The following NOL7 variants were observed in gnomAD, a reference collection of about 807,000 sequenced individuals.
The protein encoded by NOL7 is U3 small nucleolar RNA-associated protein NOL7.
A neutral mutation model predicts 38.4 loss-of-function variants in NOL7; 36 were observed. The observed-to-expected ratio is 0.94, with a 90% CI of 0.72 to 1.24. The LOEUF (loss-of-function observed/expected upper bound fraction) is 1.24, where lower values mean the gene tolerates loss of function less well. Ranked by LOEUF, NOL7 falls within the 50% of genes most tolerant of loss-of-function variation. NOL7 has a pLI of 0.00. For missense variants in NOL7, 350 were observed against 315.1 expected, an observed-to-expected ratio of 1.11 and a Z score of -0.84; for synonymous variants, 142 against 126.5, an observed-to-expected ratio of 1.12 and a Z score of -0.82.
downstream of NOL7, chr6:13,625,551 T>C (rs1764578606): frequency 1.4e-6 from 1 of 693,406 alleles, no homozygotes; most frequent in Admixed American, 2.3e-5. Context: ...ATAGAAAACA[T>C]TTTCCTGATG....
In NOL7 at chr6:13,615,365, C is replaced by T; in HGVS notation, c.7C>T (p.Gln3Ter). 1 of 1,505,522 alleles carries T rather than the reference C, an allele frequency of 6.6e-7. No homozygotes were observed. Among genetic ancestry groups the T allele is most frequent in the Non-Finnish European group, 8.8e-7 (1 of 1,130,314 alleles). The allele number at this position is 1,505,522 out of a possible 1,614,324, so 93.3% of individuals were successfully genotyped here. A position where few individuals can be genotyped will look rare whatever the true frequency, so the allele number is the denominator to read the frequency against. Reference sequence around the variant, plus strand: ...GTCTAGCGCTGCGTGGGCCATGGTGCAGCTCCGACCGCGAGCGTCTCGCGC... The same window carrying T: ...GTCTAGCGCTGCGTGGGCCATGGTGTAGCTCCGACCGCGAGCGTCTCGCGC... The part of the protein sequence containing the change: MV[Q>*]LRPRASRAPA... Residue 3 changes from glutamine (Q) to a stop codon, truncating the protein, a stop_gained, in exon 1 of 8, where the codon CAG becomes TAG. Coordinates refer to ENST00000451315, the MANE Select transcript of NOL7 (RefSeq NM_016167.5). LOFTEE classifies it high-confidence loss of function.
At chr6:13,629,064 C>A (rs1302784086) in intron 8 of NOL7, among the ~76,000 whole-genome samples, 1 of 152,188 alleles carries the variant, frequency 6.6e-6, no homozygotes. Flanking sequence ...AATCCAACAA[C>A]AGAGCAATGT....
chr6:13,624,156 G>A (rs889953429), downstream of NOL7, among the ~76,000 whole-genome samples: 11 of 151,972 alleles, frequency 7.2e-5, no homozygotes, highest in African/African-American at 1.5e-4. Context: ...CCTAAATTCC[G>A]GAGAACTACA....
At chr6:13,617,682 T>G in intron 3 of NOL7, 88 bp from the exon 4 acceptor site, 1 of 1,295,660 alleles carries the variant, frequency 7.7e-7, no homozygotes, top group Non-Finnish European at 1.1e-6. Context: ...AGGGGGTGTC[T>G]TACTTGTAAA....
In NOL7 at chr6:13,618,047, C is replaced by CT; in HGVS notation, c.419-10dup. 1 of 1,400,914 alleles carries CT rather than the reference C, an allele frequency of 7.1e-7. No individual in the cohort carries two copies. Among genetic ancestry groups the CT allele is most frequent in the Non-Finnish European group, 1.0e-6 (1 of 997,358 alleles). The allele number at this position is 1,400,914 out of a possible 1,614,324, so 86.8% of individuals were successfully genotyped here. On this transcript the variant is annotated splice_polypyrimidine_tract_variant and intron_variant, in intron 4 of 7. Coordinates refer to ENST00000451315, the MANE Select transcript of NOL7 (RefSeq NM_016167.5). ...TGAATGCTAATTAGAAAATGTAACT[C>CT]TATTTTTTAGTTAATTTGCAAAAGA...
downstream of NOL7, among the ~76,000 whole-genome samples, chr6:13,623,641 G>A (rs1325802654): frequency 6.6e-6 from 1 of 152,124 alleles, no homozygotes; most frequent in African/African-American, 2.4e-5. Context: ...GGAAGCATCT[G>A]GCGATGCATC....
At chr6:13,618,207 A>G (rs1030313414) in intron 5 of NOL7, 68 bp downstream of exon 5, 3 of 535,798 alleles carry the variant, frequency 5.6e-6, no homozygotes, top group Non-Finnish European at 6.5e-6. Flanking sequence ...ATTGGCTAAC[A>G]TGGGAAAATA....
chr6:13,628,626 A>G lies in NOL7; in HGVS notation n.574-3767A>G, dbSNP rs112657797. Among the ~76,000 whole-genome samples, 255 of 152,276 alleles carry G rather than the reference A, an allele frequency of 1.7e-3. 2 individuals carry two copies. The highest frequency in any genetic ancestry group is 2.8e-3 in the Non-Finnish European group (190 of 68,036). On this transcript the variant is annotated intron_variant and non_coding_transcript_variant, in intron 8 of 8. Transcript: ENST00000474485. ...AGCAACAAAACTAACAGAGCCTTAA[A>G]AATAAAAAATGGTTTATACCATCAA...
chr6:13,616,418 A>G (rs372709578), intron 2 of NOL7, 45 bp from the exon 3 acceptor site: 48 of 1,315,054 alleles, frequency 3.7e-5, no homozygotes, highest in Admixed American at 1.7e-4. Flanking sequence ...CGGACATACT[A>G]TGTACATGAC....
At chr6:13,625,764 C>A, downstream of NOL7, 1 of 1,588,434 alleles carries the variant, frequency 6.3e-7, no homozygotes. Context: ...CTGAATGCAT[C>A]CTGTTGAAAA....
chr6:13,619,108 T>G (rs928668953), intron 5 of NOL7, among the ~76,000 whole-genome samples: 7 of 152,232 alleles, frequency 4.6e-5, no homozygotes, highest in African/African-American at 1.7e-4. Context: ...GGCAGTTTAA[T>G]TTTTCTGGCT....
At position 13,617,817 on chromosome 6, in the gene NOL7, T is replaced by C. The variant is rs747509053; in HGVS notation, c.418+16T>C. On this transcript the variant is annotated intron_variant, in intron 4 of 7. Transcript: ENST00000451315. ...GTGAAAGAAGGTATGACTATTCTAA[T>C]TTAACTAACTTCTCATGTAAGTGTC... The C allele has an allele frequency of 5.6e-6, 9 of 1,609,600 alleles. No homozygotes were observed. Among genetic ancestry groups the C allele is most frequent in the Admixed American group, 1.7e-5 (1 of 59,992 alleles).
intron 5 of NOL7, 26 bp downstream of exon 5, chr6:13,618,165 G>A (rs1203441820): frequency 8.3e-7 from 1 of 1,209,512 alleles, no homozygotes; most frequent in Non-Finnish European, 1.2e-6. Flanking sequence ...TTTCATTTGG[G>A]ATGTAAAGGA....
chr6:13,618,185 G>C, intron 5 of NOL7, 46 bp downstream of exon 5: 1 of 760,164 alleles, frequency 1.3e-6, no homozygotes, highest in Non-Finnish European at 2.1e-6. Context: ...AGACCTTTAA[G>C]AGAGTTAAAG....
intron 1 of NOL7, 34 bp downstream of exon 1, chr6:13,615,658 C>G: frequency 6.2e-7 from 1 of 1,613,270 alleles, no homozygotes; most frequent in South Asian, 1.1e-5. Flanking sequence ...GGAGAACCGC[C>G]CTTTCTCGTC....
At chr6:13,625,684 A>G (rs3734673), downstream of NOL7, 1,693 of 1,612,532 alleles carry the variant, frequency 1.0e-3, 27 homozygotes, top group East Asian at 0.032. Context: ...CTGAGCACAC[A>G]GGTTCTCTCT....
intron 8 of NOL7, chr6:13,632,392 G>T: frequency 6.2e-7 from 1 of 1,606,674 alleles, no homozygotes; most frequent in Admixed American, 1.7e-5. Context: ...TTTGTTTGCA[G>T]TGTTCTTGCC....
Position 13,620,909 on chromosome 6 carries a change from T to G in NOL7, c.*82T>G. 1.1e-6 allele frequency: 1 copy of G among 888,428 alleles called. No individual in the cohort carries two copies. Among genetic ancestry groups the G allele is most frequent in the East Asian group, 2.7e-5 (1 of 37,046 alleles). 55.0% of individuals were successfully genotyped at this position (888,428 alleles called of 1,614,324 possible). ...ATTCATAGATCATTTTAAAGGATCATTATAAAAATCATAAACCTATTTGAG... is the reference window on the plus strand; with the variant it reads ...ATTCATAGATCATTTTAAAGGATCAGTATAAAAATCATAAACCTATTTGAG... On this transcript the variant is annotated 3_prime_UTR_variant, in exon 8 of 8. Transcript: ENST00000451315.
chr6:13,622,334 T>TG (rs770649172), downstream of NOL7: 18 of 1,513,534 alleles, frequency 1.2e-5, no homozygotes, highest in Non-Finnish European at 1.6e-5. Context: ...TATGCCACAA[T>TG]ATAAGTGTGA....
Sources: gnomAD v4.1 joint callset for allele counts (sites outside exome capture counted in the v4.1 genomes callset) on GRCh38, gnomAD v4.1.1 for gene constraint, MANE v1.5 for transcripts, NCBI Gene and HGNC (gene_info 2026-07-23, HGNC 2026-07-21) for gene names.